Variants in SDHA observed in about 807,000 individuals in gnomAD.
SDHA encodes the protein succinate dehydrogenase [ubiquinone] flavoprotein subunit, mitochondrial.
A neutral mutation model predicts 78.4 loss-of-function variants in SDHA; 48 were observed. The observed-to-expected ratio is 0.61, with a 90% CI of 0.49 to 0.78. The LOEUF is 0.78. Among genes scored for constraint, SDHA ranks in the 30% least tolerant of loss-of-function variants. The pLI is 0.00. For synonymous variants in SDHA, 326 were observed against 353.9 expected (o/e 0.92, Z 0.88); for missense variants, 680 against 892.7 (o/e 0.76, Z 3.04).
intron 5 of SDHA, 76 bp downstream of exon 5, chr5:226,123 G>A (rs1293544002): frequency 1.1e-5 from 17 of 1,515,878 alleles, no homozygotes; most frequent in East Asian, 6.8e-5. Flanking sequence ...ATGGGTTAGC[G>A]TGCCCAGTGA....
chr5:220,021 T>A (rs541624164), intron 1 of SDHA, among the ~76,000 whole-genome samples: 2 of 152,258 alleles, frequency 1.3e-5, no homozygotes, highest in African/African-American at 4.8e-5. Context: ...AACAGCATAA[T>A]CAAAAAATTA....
chr5:239,219 C>T (rs143612418), intron 10 of SDHA, among the ~76,000 whole-genome samples: 4,580 of 136,394 alleles, frequency 0.034, 96 homozygotes, highest in Non-Finnish European at 0.042. Context: ...ATATATATAA[C>T]GTTATAAAAA....
chr5:240,894 G>A (rs1394386241), intron 11 of SDHA, among the ~76,000 whole-genome samples: 2 of 152,008 alleles, frequency 1.3e-5, no homozygotes, highest in East Asian at 3.9e-4. Flanking sequence ...TGGTATATAT[G>A]TACCACATTT....
chr5:264,493 C>T, the SDHA span, among the ~76,000 whole-genome samples: 9 of 151,524 alleles, frequency 5.9e-5, no homozygotes, highest in Middle Eastern at 3.4e-3. Flanking sequence ...CACCAGCCCA[C>T]GCTCCACAGG....
At position 235,595 on chromosome 5, in the gene SDHA, T is replaced by A; in HGVS notation, c.1260+256T>A. The A allele has an allele frequency of 9.5e-6, 5 of 524,402 alleles. No homozygotes were observed. The South Asian group carries it at 1.0e-4, about 11-fold the overall frequency. The allele number at this position is 524,402 out of a possible 1,614,324, so 32.5% of individuals were successfully genotyped here. On this transcript the variant is annotated intron_variant, in intron 9 of 14. Coordinates refer to ENST00000264932, the MANE Select transcript of SDHA (RefSeq NM_004168.4). ...ATTTTGTAATTACTTTCCTATATGA[T>A]CTTGTGTTATTTCTAATGATCTTAC...
intron 11 of SDHA, among the ~76,000 whole-genome samples, chr5:248,112 T>G (rs13357769): frequency 6.7e-6 from 1 of 150,266 alleles, no homozygotes; most frequent in South Asian, 2.1e-4. Context: ...GACCTGATAA[T>G]AAAAAGTTGG....
At chr5:246,519 CGAA>C (rs1736473937) in intron 11 of SDHA, among the ~76,000 whole-genome samples, 1 of 152,236 alleles carries the variant, frequency 6.6e-6, no homozygotes, top group Admixed American at 6.5e-5. Context: ...TGCAGCTGAT[CGAA>C]AAGCAAGGCC....
chr5:228,915 AAACCCTACTAAAAAAC>A (rs1735212741), intron 6 of SDHA, among the ~76,000 whole-genome samples: 2 of 152,164 alleles, frequency 1.3e-5, no homozygotes, highest in Admixed American at 6.5e-5. Context: ...ACAACCTACT[AAACCCTACTAAAAAAC>A]AACCCTACTA....
intron 10 of SDHA, among the ~76,000 whole-genome samples, chr5:238,963 C>G (rs888400862): frequency 6.7e-6 from 1 of 149,576 alleles, no homozygotes; most frequent in Admixed American, 6.6e-5. Context: ...GACACTGTCT[C>G]AAAAAAAAGA....
chr5:258,562 G>C (rs1162440243), downstream of SDHA, among the ~76,000 whole-genome samples: 2 of 126,740 alleles, frequency 1.6e-5, no homozygotes, highest in Non-Finnish European at 3.1e-5. Flanking sequence ...GAGCCTTGCC[G>C]TGAGCTCCGC....
intron 7 of SDHA, among the ~76,000 whole-genome samples, chr5:232,882 G>T (rs1334061976): frequency 6.6e-6 from 1 of 152,160 alleles, no homozygotes; most frequent in Non-Finnish European, 1.5e-5. Context: ...CCCAGGTTTG[G>T]GTTTGAGCTC....
At chr5:241,527 C>T (rs1037573012) in intron 11 of SDHA, among the ~76,000 whole-genome samples, 2 of 152,148 alleles carry the variant, frequency 1.3e-5, no homozygotes, top group African/African-American at 4.8e-5. Flanking sequence ...TGGAAATGTT[C>T]CGAGTGTTTG....
chr5:229,312 A>G (rs773847245), intron 6 of SDHA, among the ~76,000 whole-genome samples: 1 of 152,254 alleles, frequency 6.6e-6, no homozygotes. Flanking sequence ...CCTGGACCCT[A>G]TGTTCATTGC....
At chr5:247,808 C>G (rs1342561094) in intron 11 of SDHA, among the ~76,000 whole-genome samples, 1 of 152,206 alleles carries the variant, frequency 6.6e-6, no homozygotes, top group Non-Finnish European at 1.5e-5. Flanking sequence ...ACGCCCCAGG[C>G]TATACTAGCC....
At chr5:245,496 A>G (rs1305765195) in intron 11 of SDHA, among the ~76,000 whole-genome samples, 1 of 152,238 alleles carries the variant, frequency 6.6e-6, no homozygotes, top group Non-Finnish European at 1.5e-5. Flanking sequence ...GTGTAGGGCA[A>G]GCAATTGAAC....
chr5:262,439 G>A, the SDHA span, among the ~76,000 whole-genome samples: 2 of 152,186 alleles, frequency 1.3e-5, no homozygotes, highest in Middle Eastern at 3.4e-3. Flanking sequence ...GGCGAGCTCC[G>A]CCTCCTGCCA....
chr5:220,110 A>C, intron 1 of SDHA: 1 of 187,872 alleles, frequency 5.3e-6, no homozygotes, highest in South Asian at 9.5e-5. Context: ...ATTTCAGTAA[A>C]GTCCAGAGAG....
chr5:257,146 A>G (rs1002227381), downstream of SDHA, among the ~76,000 whole-genome samples: 3 of 152,220 alleles, frequency 2.0e-5, no homozygotes, highest in African/African-American at 7.2e-5. Flanking sequence ...GAACGAATGG[A>G]GAAAACTAAC....
At chr5:220,683 G>A (rs1179122190) in intron 1 of SDHA, among the ~76,000 whole-genome samples, 14 of 147,090 alleles carry the variant, frequency 9.5e-5, no homozygotes, top group South Asian at 4.2e-4. Flanking sequence ...CAGGCCGGCC[G>A]ACTTGAATCC....
Sources: gnomAD v4.1 joint callset for allele counts (sites outside exome capture counted in the v4.1 genomes callset) on GRCh38, gnomAD v4.1.1 for gene constraint, MANE v1.5 for transcripts, NCBI Gene and HGNC (gene_info 2026-07-23, HGNC 2026-07-21) for gene names.